RAD18: variants seen among roughly 807,000 people sequenced by gnomAD.
RAD18 encodes RAD18 E3 ubiquitin protein ligase.
A neutral mutation model predicts 60.4 loss-of-function variants in RAD18; 47 were observed. The ratio of observed to expected loss-of-function variants is 0.78; its 90% CI spans 0.62 to 0.99. RAD18 has a LOEUF of 0.99. Among genes scored for constraint, RAD18 ranks in the 50% least tolerant of loss-of-function variants. The pLI is 0.00. For missense variants in RAD18, 640 were observed against 593.3 expected (o/e 1.08, Z -0.82); for synonymous variants, 225 against 195.5 (o/e 1.15, Z -1.26).
At chr3:8,917,853 G>A (rs1346124459) in intron 7 of RAD18, among the ~76,000 whole-genome samples, 1 of 151,896 alleles carries the variant, frequency 6.6e-6, no homozygotes, top group Non-Finnish European at 1.5e-5. Flanking sequence ...AAAAAAGCAA[G>A]ACCAAACTAT....
In RAD18 at chr3:8,922,124, T is replaced by C. The variant is rs1452737160; in HGVS notation, c.890-8404A>G. Among the ~76,000 whole-genome samples, 3 of 152,116 alleles carry C rather than the reference T, an allele frequency of 2.0e-5. No homozygotes were observed. The East Asian group carries it at 5.8e-4, about 29-fold the overall frequency. On this transcript the variant is annotated intron_variant, in intron 7 of 12. Transcript: ENST00000264926. ...TGGGAGCGGTGCACCGGGAGTGAGC[T>C]GAAGCAGGGCGAGGCATCGCCTCAC... is the stretch of plus-strand genomic sequence containing the variant.
At chr3:8,916,615 G>A (rs1311252125) in intron 7 of RAD18, among the ~76,000 whole-genome samples, 2 of 151,960 alleles carry the variant, frequency 1.3e-5, no homozygotes, top group South Asian at 2.1e-4. Flanking sequence ...ATGAACAGAT[G>A]GGGCATTTCT....
intron 6 of RAD18, among the ~76,000 whole-genome samples, chr3:8,936,503 G>A (rs757371591): frequency 1.3e-5 from 2 of 152,152 alleles, no homozygotes; most frequent in Non-Finnish European, 2.9e-5. Flanking sequence ...CCATAAACAG[G>A]AACTTCTTAG....
At position 8,885,556 on chromosome 3, in the gene RAD18, C is replaced by T. The variant is rs45598641; in HGVS notation, c.1386-4097G>A. ...TCAAATTTACAACTTTGGAAAGGAG[C>T]CTTTATTTCTTATAAATGATTACAG... On this transcript the variant is annotated intron_variant, in intron 12 of 12. Coordinates refer to ENST00000264926, the MANE Select transcript of RAD18 (RefSeq NM_020165.4). 2.6e-4 allele frequency among the ~76,000 whole-genome samples: 40 copies of T among 152,162 alleles called. 1 individual carries two copies. In the East Asian group the frequency reaches 7.0e-3, roughly 26 times the overall value.
chr3:8,938,113 C>CCTTATGGGATTAT (rs1173989919), intron 6 of RAD18, among the ~76,000 whole-genome samples: 1 of 152,158 alleles, frequency 6.6e-6, no homozygotes, highest in Non-Finnish European at 1.5e-5. Flanking sequence ...ACTCTCGTGG[C>CCTTATGGGATTAT]TTATGGGAAA....
At chr3:8,945,752 C>T (rs1940829771) in intron 4 of RAD18, among the ~76,000 whole-genome samples, 1 of 151,884 alleles carries the variant, frequency 6.6e-6, no homozygotes, top group Middle Eastern at 3.2e-3. Context: ...TTACAGGCGT[C>T]AGCCACCAAG....
At chr3:8,934,387 T>C (rs1940615232) in intron 7 of RAD18, among the ~76,000 whole-genome samples, 1 of 152,158 alleles carries the variant, frequency 6.6e-6, no homozygotes, top group Non-Finnish European at 1.5e-5. Flanking sequence ...TTTCAATTAC[T>C]CCCACAAATA....
chr3:8,893,658 CA>C (rs1939731769), intron 11 of RAD18, among the ~76,000 whole-genome samples: 1 of 151,278 alleles, frequency 6.6e-6, no homozygotes, highest in African/African-American at 2.4e-5. Flanking sequence ...CTACAGGCCA[CA>C]GTGATAATTA....
chr3:8,938,612 T>C (rs1940692788), intron 6 of RAD18, among the ~76,000 whole-genome samples: 2 of 152,162 alleles, frequency 1.3e-5, no homozygotes, highest in African/African-American at 4.8e-5. Context: ...GGGTCCTTTC[T>C]GCATGTCAAG....
At chr3:8,943,650 GA>G (rs200145015) in intron 4 of RAD18, among the ~76,000 whole-genome samples, 105 of 148,928 alleles carry the variant, frequency 7.1e-4, no homozygotes, top group African/African-American at 2.1e-3. Context: ...AAATCTGATA[GA>G]AAAAAAAAAT....
At chr3:8,937,751 C>G (rs755289985) in intron 6 of RAD18, among the ~76,000 whole-genome samples, 19 of 152,104 alleles carry the variant, frequency 1.2e-4, no homozygotes, top group Non-Finnish European at 2.6e-4. Flanking sequence ...TAAACAAAAC[C>G]TAACAGTAAC....
At chr3:8,952,760 A>G (rs2124842127) in intron 2 of RAD18, among the ~76,000 whole-genome samples, 1 of 152,334 alleles carries the variant, frequency 6.6e-6, no homozygotes, top group Admixed American at 6.5e-5. Flanking sequence ...TGTTAGTCAC[A>G]TTTGACAAGA....
chr3:8,915,922 A>G lies in RAD18; in HGVS notation c.890-2202T>C, dbSNP rs117234209. Among the ~76,000 whole-genome samples the G allele has an allele frequency of 7.9e-5, 12 of 152,294 alleles. No individual in the cohort carries two copies. The East Asian group carries it at 1.5e-3, about 20-fold the overall frequency. On this transcript the variant is annotated intron_variant, in intron 7 of 12. Transcript: ENST00000264926. ...CTACAGACCTCAGTGGGCACCCACAAGAGTCCTCAGTCTCTCTGTAGCTCA... is the reference window on the plus strand; with the variant it reads ...CTACAGACCTCAGTGGGCACCCACAGGAGTCCTCAGTCTCTCTGTAGCTCA...
chr3:8,915,002 A>G (rs1038428811), intron 7 of RAD18, among the ~76,000 whole-genome samples: 2 of 151,780 alleles, frequency 1.3e-5, no homozygotes, highest in African/African-American at 2.4e-5. Flanking sequence ...TTTTAAAATT[A>G]GCCGGGTGTG....
intron 7 of RAD18, among the ~76,000 whole-genome samples, chr3:8,914,839 A>T (rs1038305667): frequency 4.6e-5 from 7 of 152,190 alleles, no homozygotes; most frequent in Non-Finnish European, 8.8e-5. Flanking sequence ...GTCCTCTTGT[A>T]AGATATTAAG....
intron 11 of RAD18, 28 bp from the exon 12 acceptor site, chr3:8,890,479 C>G (rs1241527194): frequency 1.4e-5 from 21 of 1,480,248 alleles, no homozygotes; most frequent in African/African-American, 4.2e-5. Flanking sequence ...TCAGTATTGA[C>G]AGACAACAAG....
intron 4 of RAD18, 43 bp downstream of exon 4, chr3:8,947,177 A>C: frequency 6.9e-7 from 1 of 1,457,718 alleles, no homozygotes; most frequent in South Asian, 1.2e-5. Flanking sequence ...ACACATATAA[A>C]AGGCAAAAGT....
intron 1 of RAD18, among the ~76,000 whole-genome samples, chr3:8,959,539 C>T (rs1193091792): frequency 2.6e-5 from 4 of 152,182 alleles, no homozygotes; most frequent in Non-Finnish European, 5.9e-5. Flanking sequence ...TCCTGTCTCC[C>T]GTCTGGCAGT....
intron 10 of RAD18, among the ~76,000 whole-genome samples, chr3:8,901,030 G>A (rs1939902410): frequency 6.6e-6 from 1 of 152,184 alleles, no homozygotes; most frequent in Non-Finnish European, 1.5e-5. Flanking sequence ...GAACAAGTTC[G>A]AGTTGTTCAA....
Sources: allele counts gnomAD v4.1 joint callset (sites outside exome capture counted in the v4.1 genomes callset), GRCh38; gene constraint gnomAD v4.1.1; transcripts MANE v1.5; gene names NCBI Gene and HGNC (gene_info 2026-07-23, HGNC 2026-07-21).